ERC2: variants seen among roughly 807,000 people sequenced by gnomAD.
ERC2 encodes ELKS/RAB6-interacting/CAST family member 2.
In ERC2, 42 loss-of-function variants were observed where a neutral mutation model predicts 114.8. That is an observed-to-expected ratio of 0.37 (90% CI 0.29 to 0.47). ERC2 has a LOEUF of 0.47. Ranked by LOEUF, ERC2 falls within the 20% of genes least tolerant of loss-of-function variation. ERC2 has a pLI of 0.99. For missense variants in ERC2, 939 were observed against 1,150.7 expected, an observed-to-expected ratio of 0.82 and a Z score of 2.66; for synonymous variants, 454 against 425.5, an observed-to-expected ratio of 1.07 and a Z score of -0.82.
At chr3:56,001,042 T>C (rs2072012920) in intron 10 of ERC2, among the ~76,000 whole-genome samples, 1 of 148,246 alleles carries the variant, frequency 6.7e-6, no homozygotes, top group Admixed American at 6.7e-5. Context: ...AAAAATAGAA[T>C]AGAAACCCAA....
intron 17 of ERC2, among the ~76,000 whole-genome samples, chr3:55,663,992 C>T (rs1435892716): frequency 6.6e-6 from 1 of 152,192 alleles, no homozygotes; most frequent in Non-Finnish European, 1.5e-5. Flanking sequence ...CAGCCACTAA[C>T]TCAGCCTTAT....
At chr3:55,717,804 G>A (rs950534130) in intron 15 of ERC2, among the ~76,000 whole-genome samples, 1 of 152,150 alleles carries the variant, frequency 6.6e-6, no homozygotes, top group African/African-American at 2.4e-5. Flanking sequence ...CCCAAGCCTT[G>A]ACTTCAGATG....
At chr3:55,518,951 G>A (rs1225977179) in intron 17 of ERC2, among the ~76,000 whole-genome samples, 6 of 152,202 alleles carry the variant, frequency 3.9e-5, no homozygotes, top group Non-Finnish European at 8.8e-5. Context: ...TCTCAAATCA[G>A]TGTAACATAC....
intron 3 of ERC2, among the ~76,000 whole-genome samples, chr3:56,212,059 CA>C (rs539393842): frequency 1.8e-3 from 267 of 151,990 alleles, no homozygotes; most frequent in Non-Finnish European, 3.2e-3. Flanking sequence ...ACCAAGAACC[CA>C]AAAGCAAACT....
intron 14 of ERC2, among the ~76,000 whole-genome samples, chr3:55,737,036 C>T (rs969962029): frequency 6.6e-6 from 1 of 152,158 alleles, no homozygotes; most frequent in Non-Finnish European, 1.5e-5. Context: ...TTGGGAACTT[C>T]CCTCGCACAC....
intron 7 of ERC2, among the ~76,000 whole-genome samples, chr3:56,033,064 G>GAAAGAAAA (rs1560058898): frequency 3.5e-5 from 4 of 115,678 alleles, no homozygotes; most frequent in African/African-American, 1.1e-4. Context: ...AAGAAAGAAA[G>GAAAGAAAA]AAAGAAAGAA....
intron 3 of ERC2, among the ~76,000 whole-genome samples, chr3:56,174,151 G>GA (rs1205480967): frequency 6.6e-6 from 1 of 152,124 alleles, no homozygotes; most frequent in South Asian, 2.1e-4. Flanking sequence ...TTACAGGGGA[G>GA]AAAAAAATTG....
At chr3:56,195,483 T>TTGTGTGTG (rs2048038439) in intron 3 of ERC2, among the ~76,000 whole-genome samples, 2 of 105,340 alleles carry the variant, frequency 1.9e-5, no homozygotes, top group South Asian at 4.4e-4. Context: ...AGGGATGTGT[T>TTGTGTGTG]TGTGTGTGCG....
At chr3:56,372,480 C>T (rs1260818005) in intron 2 of ERC2, among the ~76,000 whole-genome samples, 2 of 152,082 alleles carry the variant, frequency 1.3e-5, no homozygotes, top group Non-Finnish European at 2.9e-5. Context: ...ATAATTCCAA[C>T]ACTTTGGGAG....
At chr3:56,138,948 T>G (rs988856672) in intron 6 of ERC2, among the ~76,000 whole-genome samples, 47 of 152,172 alleles carry the variant, frequency 3.1e-4, no homozygotes, top group African/African-American at 1.1e-3. Context: ...CAATATCAAC[T>G]TTCTTCAATG....
chr3:56,410,368 A>T (rs976451584), intron 2 of ERC2, among the ~76,000 whole-genome samples: 2 of 152,254 alleles, frequency 1.3e-5, no homozygotes, highest in African/African-American at 4.8e-5. Context: ...TGAATAAATT[A>T]ACAAAATTAC....
chr3:55,663,329 C>A (rs1331910220), intron 17 of ERC2, among the ~76,000 whole-genome samples: 1 of 152,192 alleles, frequency 6.6e-6, no homozygotes, highest in Non-Finnish European at 1.5e-5. Context: ...GAAAGGGGCT[C>A]GGAGGAGGAG....
intron 2 of ERC2, among the ~76,000 whole-genome samples, chr3:56,383,559 A>C (rs1454182483): frequency 2.0e-5 from 3 of 152,234 alleles, no homozygotes; most frequent in Non-Finnish European, 4.4e-5. Flanking sequence ...GATACTCAAC[A>C]AAATGTGCTG....
At chr3:56,230,639 G>GAA (rs77480343) in intron 3 of ERC2, among the ~76,000 whole-genome samples, 1 of 146,492 alleles carries the variant, frequency 6.8e-6, no homozygotes, top group Non-Finnish European at 1.5e-5. Context: ...CATTGCTCAG[G>GAA]AAAAAAAAAA....
At chr3:56,263,006 G>A (rs1447196341) in intron 3 of ERC2, among the ~76,000 whole-genome samples, 3 of 152,174 alleles carry the variant, frequency 2.0e-5, no homozygotes, top group African/African-American at 7.2e-5. Context: ...AAGCTCTACA[G>A]CAGCAACAAG....
chr3:56,420,695 C>A (rs1218648103), intron 2 of ERC2, among the ~76,000 whole-genome samples: 3 of 150,076 alleles, frequency 2.0e-5, no homozygotes, highest in South Asian at 4.2e-4. Context: ...ACCAACCTGG[C>A]TAACACGGTG....
At chr3:56,380,934 T>C (rs1013487527) in intron 2 of ERC2, among the ~76,000 whole-genome samples, 1 of 152,184 alleles carries the variant, frequency 6.6e-6, no homozygotes, top group Non-Finnish European at 1.5e-5. Context: ...CTACAATCCC[T>C]CTGAAATTGC....
chr3:56,090,350 C>T (rs2077719565), intron 6 of ERC2, among the ~76,000 whole-genome samples: 1 of 152,108 alleles, frequency 6.6e-6, no homozygotes, highest in African/African-American at 2.4e-5. Context: ...TAAGCAGTAA[C>T]CAGAATCACT....
chr3:55,846,814 A>G (rs1327250320), intron 14 of ERC2, among the ~76,000 whole-genome samples: 2 of 152,094 alleles, frequency 1.3e-5, no homozygotes, highest in Non-Finnish European at 2.9e-5. Context: ...CAAGATATTC[A>G]AAGCCCTTAA....
Sources: allele counts gnomAD v4.1 joint callset (sites outside exome capture counted in the v4.1 genomes callset), GRCh38; gene constraint gnomAD v4.1.1; transcripts MANE v1.5; gene names NCBI Gene and HGNC (gene_info 2026-07-23, HGNC 2026-07-21).